ANKRD31: variants seen among roughly 807,000 people sequenced by gnomAD.
ANKRD31 encodes ankyrin repeat domain 31.
A neutral mutation model predicts 186.0 loss-of-function variants in ANKRD31; 147 were observed. The ratio of observed to expected loss-of-function variants is 0.79; its 90% CI spans 0.69 to 0.91. The LOEUF is 0.91. Ranked by LOEUF, ANKRD31 falls within the 40% of genes least tolerant of loss-of-function variation. The pLI, the probability that ANKRD31 is intolerant of heterozygous loss-of-function variation, is 0.00. For synonymous variants in ANKRD31, 673 were observed against 736.4 expected (o/e 0.91, Z 1.39); for missense variants, 1,986 against 2,148.8 (o/e 0.92, Z 1.50).
intron 14 of ANKRD31, among the ~76,000 whole-genome samples, chr5:75,145,581 T>C (rs1279759642): frequency 6.6e-6 from 1 of 151,750 alleles, no homozygotes; most frequent in Non-Finnish European, 1.5e-5. Flanking sequence ...GGGCCTGTCA[T>C]GGGGTGGGGG....
intron 17 of ANKRD31, among the ~76,000 whole-genome samples, chr5:75,131,302 G>A (rs1029975620): frequency 1.2e-4 from 19 of 152,172 alleles, no homozygotes; most frequent in African/African-American, 3.1e-4. Flanking sequence ...CACCGAGAGC[G>A]AGCGAGGGTT....
intron 17 of ANKRD31, among the ~76,000 whole-genome samples, chr5:75,136,373 C>T (rs897420403): frequency 1.3e-5 from 2 of 152,098 alleles, no homozygotes; most frequent in Non-Finnish European, 2.9e-5. Context: ...AGACACTTCT[C>T]AAAAGAAGAC....
intron 4 of ANKRD31, among the ~76,000 whole-genome samples, chr5:75,208,724 T>G (rs1306622458): frequency 6.6e-6 from 1 of 152,208 alleles, no homozygotes; most frequent in East Asian, 1.9e-4. Flanking sequence ...AGAGTGAAGT[T>G]CTGTCTCTCA....
chr5:75,157,458 G>T (rs1752264083), intron 11 of ANKRD31, among the ~76,000 whole-genome samples: 1 of 152,172 alleles, frequency 6.6e-6, no homozygotes, highest in African/African-American at 2.4e-5. Flanking sequence ...AGGCAAAAAG[G>T]AACCAGAACT....
At chr5:75,185,889 G>GTC (rs1360430573) in intron 10 of ANKRD31, among the ~76,000 whole-genome samples, 1 of 151,904 alleles carries the variant, frequency 6.6e-6, no homozygotes, top group East Asian at 1.9e-4. Flanking sequence ...AAAAAATGGT[G>GTC]TCCAATTCCA....
rs370294257 is a variant in ANKRD31, at chr5:75,233,576, A to C, written c.105-2941T>G. ...AATAAAAAACTAATATAAATATGTT[A>C]ATATTCTAATATGTAAACGTAAAAA... On this transcript the variant is annotated intron_variant, in intron 1 of 25. Transcript: ENST00000506364. 1.8e-4 allele frequency among the ~76,000 whole-genome samples: 27 copies of C among 152,256 alleles called. No individual in the cohort carries two copies. The East Asian group carries it at 4.6e-3, about 26-fold the overall frequency.
intron 17 of ANKRD31, among the ~76,000 whole-genome samples, chr5:75,129,829 G>A (rs1366500017): frequency 2.6e-5 from 4 of 152,314 alleles, no homozygotes; most frequent in Admixed American, 2.0e-4. Flanking sequence ...AAGCAGGGCA[G>A]GGCATCACTT....
intron 11 of ANKRD31, among the ~76,000 whole-genome samples, chr5:75,167,747 T>G (rs551846184): frequency 1.3e-5 from 2 of 152,230 alleles, no homozygotes; most frequent in East Asian, 3.9e-4. Context: ...AGAAATGGAT[T>G]AGAGCCAAGT....
chr5:75,219,129 T>C (rs967317486), intron 3 of ANKRD31, among the ~76,000 whole-genome samples: 1 of 152,116 alleles, frequency 6.6e-6, no homozygotes, highest in African/African-American at 2.4e-5. Flanking sequence ...ATATTGGAAG[T>C]CCTGGCCAGA....
intron 17 of ANKRD31, among the ~76,000 whole-genome samples, chr5:75,128,913 A>C (rs1163880770): frequency 1.3e-5 from 2 of 152,028 alleles, no homozygotes; most frequent in Admixed American, 1.3e-4. Context: ...TGACCATATG[A>C]TCTTGATAAT....
At chr5:75,235,869 C>T (rs778630123) in intron 1 of ANKRD31, among the ~76,000 whole-genome samples, 2 of 152,064 alleles carry the variant, frequency 1.3e-5, no homozygotes, top group Non-Finnish European at 2.9e-5. Context: ...CTCAAAGAAA[C>T]CTGTCTTTCT....
chr5:75,220,870 TG>T (rs1757256412), intron 3 of ANKRD31, among the ~76,000 whole-genome samples: 1 of 152,150 alleles, frequency 6.6e-6, no homozygotes, highest in Admixed American at 6.6e-5. Context: ...GAGGTCAAAG[TG>T]GGCAGATCCC....
At chr5:75,208,515 A>C (rs578076203) in intron 4 of ANKRD31, among the ~76,000 whole-genome samples, 1 of 152,270 alleles carries the variant, frequency 6.6e-6, no homozygotes, top group South Asian at 2.1e-4. Flanking sequence ...TCTTGAAAAA[A>C]TAAAATAAAA....
intron 4 of ANKRD31, 22 bp from the exon 5 acceptor site, chr5:75,206,509 A>T (rs1022431675): frequency 1.5e-6 from 2 of 1,342,894 alleles, no homozygotes; most frequent in East Asian, 5.5e-5. Context: ...ATTAATAAAA[A>T]TAAATTTTAA....
intron 2 of ANKRD31, among the ~76,000 whole-genome samples, chr5:75,224,766 C>T (rs1205895456): frequency 6.6e-6 from 1 of 151,910 alleles, no homozygotes; most frequent in African/African-American, 2.4e-5. Context: ...AGAAGAAACC[C>T]TAAAAGAGAA....
At chr5:75,099,223 T>C (rs1746598616) in intron 22 of ANKRD31, among the ~76,000 whole-genome samples, 1 of 152,202 alleles carries the variant, frequency 6.6e-6, no homozygotes, top group Non-Finnish European at 1.5e-5. Context: ...GTTTATATGA[T>C]GGATTACATT....
intron 16 of ANKRD31, among the ~76,000 whole-genome samples, chr5:75,138,237 C>A (rs1750749831): frequency 1.3e-5 from 2 of 152,150 alleles, no homozygotes; most frequent in African/African-American, 4.8e-5. Flanking sequence ...GCAAAAGACT[C>A]ACAGAATGCA....
chr5:75,134,259 T>G (rs9888308), intron 17 of ANKRD31, among the ~76,000 whole-genome samples: 1 of 151,832 alleles, frequency 6.6e-6, no homozygotes, highest in African/African-American at 2.4e-5. Flanking sequence ...AAAATTGATA[T>G]ACCACTAGGA....
At position 75,076,131 on chromosome 5, in the gene ANKRD31, C is replaced by T. The variant is rs1005732574; in HGVS notation, c.5647+4437G>A. On this transcript the variant is annotated intron_variant, in intron 25 of 25. Transcript: ENST00000506364. ...AAATGTGCGGACTTTTTTCCTCACACTAACCGCTGGTCCAACCAATCAACT... is the reference window on the plus strand; with the variant it reads ...AAATGTGCGGACTTTTTTCCTCACATTAACCGCTGGTCCAACCAATCAACT... Among the ~76,000 whole-genome samples, 43 of 152,162 alleles carry T rather than the reference C, an allele frequency of 2.8e-4. 1 individual carries two copies. Among genetic ancestry groups the T allele is most frequent in the Non-Finnish European group, 7.3e-5 (5 of 68,040 alleles).
Sources: gnomAD v4.1 joint callset for allele counts (sites outside exome capture counted in the v4.1 genomes callset) on GRCh38, gnomAD v4.1.1 for gene constraint, MANE v1.5 for transcripts, NCBI Gene and HGNC (gene_info 2026-07-23, HGNC 2026-07-21) for gene names.